The following NME4 variants were observed in gnomAD, a reference collection of about 807,000 sequenced individuals.
The protein encoded by NME4 is nucleoside diphosphate kinase D, mitochondrial.
In NME4, 21 loss-of-function variants were observed where a neutral mutation model predicts 16.4. The ratio of observed to expected loss-of-function variants is 1.28; its 90% CI spans 0.91 to 1.84. The LOEUF (loss-of-function observed/expected upper bound fraction) is 1.84, where lower values mean the gene tolerates loss of function less well. Among genes scored for constraint, NME4 ranks in the 40% most tolerant of loss-of-function variants. The pLI is 0.00. For missense variants in NME4, 316 were observed against 261.3 expected (o/e 1.21, Z -1.44); for synonymous variants, 132 against 107.5 (o/e 1.23, Z -1.41).
chr16:397,768 C>T (rs1182389662), intron 1 of NME4: 1 of 1,164,064 alleles, frequency 8.6e-7, no homozygotes, highest in East Asian at 4.4e-5. Context: ...GGGGCGTTCG[C>T]TGAAGGCCAA....
intron 1 of NME4, chr16:398,051 C>T (rs1232827313): frequency 4.6e-6 from 7 of 1,530,058 alleles, no homozygotes; most frequent in Non-Finnish European, 5.3e-6. Flanking sequence ...ACTTTTCCTC[C>T]TGGCCTGGCG....
rs971156506 is a variant in NME4 at position 400,493 on chromosome 16, C to T, written c.*151C>T. ...CCCCAGCCCAGAGGAGTTTGAGCCA[C>T]CAACTTCAGTGCCTTTCTGTACCCC... On this transcript the variant is annotated 3_prime_UTR_variant, in exon 5 of 5. Transcript: ENST00000219479. The T allele has an allele frequency of 1.2e-5, 11 of 930,662 alleles. No individual in the cohort carries two copies. The East Asian group carries it at 2.2e-4, about 19-fold the overall frequency. The allele number at this position is 930,662 out of a possible 1,614,324, so 57.7% of individuals were successfully genotyped here.
In NME4 at chr16:399,137, G is replaced by A. The variant is rs1389826543; in HGVS notation, c.225+14G>A. ...AAGATGCTGCAGGTAGTGGGACTCTGGGCTTGTGGGTGTCCCTGTGGGGAT... is the reference window on the plus strand; with the variant it reads ...AAGATGCTGCAGGTAGTGGGACTCTAGGCTTGTGGGTGTCCCTGTGGGGAT... On this transcript the variant is annotated intron_variant, in intron 2 of 4. Coordinates refer to ENST00000219479, the MANE Select transcript of NME4 (RefSeq NM_005009.3). The A allele has an allele frequency of 6.3e-7, 1 of 1,595,620 alleles. No homozygotes were observed. The highest frequency in any genetic ancestry group is 2.2e-5 in the East Asian group (1 of 44,756).
At chr16:397,783 G>A (rs1273960126) in intron 1 of NME4, 6 of 1,467,376 alleles carry the variant, frequency 4.1e-6, no homozygotes, top group Non-Finnish European at 4.5e-6. Flanking sequence ...GGCCAAGTTA[G>A]GCCAGAATCT....
In NME4 at chr16:399,648, G is replaced by C. The variant is rs762616312; in HGVS notation, c.349G>C (p.Val117Leu). 2 of 1,613,060 alleles carry C rather than the reference G, an allele frequency of 1.2e-6. No homozygotes were observed. Among genetic ancestry groups the C allele is most frequent in the Non-Finnish European group, 1.7e-6 (2 of 1,179,938 alleles). ...GCAGGTCTGGGAAGGGTACAATGTC[G>C]TCCGCGCCTCGAGGGCCATGATTGG... ...VAMVWEGYNV[V>L]RASRAMIGHT... Residue 117 changes from valine to leucine, a missense_variant, in exon 4 of 5, where the codon GTC (valine) becomes CTC (leucine). Physicochemically the swap from Val to Leu is conservative, Grantham distance 32 (BLOSUM62 1). Coordinates refer to ENST00000219479, the MANE Select transcript of NME4 (RefSeq NM_005009.3).
At position 398,343 on chromosome 16, in the gene NME4, A is replaced by G. The variant is rs892215516; in HGVS notation, c.92-647A>G. On this transcript the variant is annotated intron_variant, in intron 1 of 4. Transcript: ENST00000219479. ...CAGAACCCTGCTACCTTCCCTCTTC[A>G]ATCTTCAGGCCCCTTTTTGTCCGTG... 1.8e-5 allele frequency: 23 copies of G among 1,295,194 alleles called. No individual in the cohort carries two copies. In the East Asian group the frequency reaches 3.7e-4, roughly 21 times the overall value. 80.2% of individuals were successfully genotyped at this position (1,295,194 alleles called of 1,614,324 possible).
intron 1 of NME4, chr16:397,746 A>AGGGAGTCGGGGGGTGGGGGTGGGGGGG (rs2054576374): frequency 1.7e-6 from 1 of 579,276 alleles, no homozygotes; most frequent in Non-Finnish European, 2.0e-6. Flanking sequence ...GGGTGGGGGG[A>AGGGAGTCGGGGGGTGGGGGTGGGGGGG]GCCGCTCCGC....
chr16:398,097 T>C lies in NME4; in HGVS notation c.91+784T>C, dbSNP rs184750863. The stretch of plus-strand genomic sequence containing the variant: ...GGCTCTGTCCAGATTCTGTGGGACA[T>C]ACAGGGTCTGGGCTCCTCTGGAAAC... On this transcript the variant is annotated intron_variant, in intron 1 of 4. Coordinates refer to ENST00000219479, the MANE Select transcript of NME4 (RefSeq NM_005009.3). 14 of 1,531,752 alleles carry C rather than the reference T, an allele frequency of 9.1e-6. No homozygotes were observed. In the Admixed American group the frequency reaches 2.4e-4, roughly 26 times the overall value. 94.9% of individuals were successfully genotyped at this position (1,531,752 alleles called of 1,614,324 possible).
chr16:397,740 G>A, intron 1 of NME4: 1 of 1,245,228 alleles, frequency 8.0e-7, no homozygotes, highest in Non-Finnish European at 1.1e-6. Flanking sequence ...GGGTGGGGGT[G>A]GGGGGAGCCG....
intron 1 of NME4, chr16:398,257 G>A: frequency 7.1e-7 from 1 of 1,401,460 alleles, no homozygotes; most frequent in Non-Finnish European, 9.5e-7. Context: ...GCTGACCCTG[G>A]GTCTGGAAGC....
At chr16:399,764 CT>C in intron 4 of NME4, 25 bp downstream of exon 4, 1 of 1,586,028 alleles carries the variant, frequency 6.3e-7, no homozygotes, top group Non-Finnish European at 8.7e-7. Context: ...ATACACCAGG[CT>C]GCTGCTGGGG....
At chr16:398,059 G>C (rs896449575) in intron 1 of NME4, 1 of 1,529,812 alleles carries the variant, frequency 6.5e-7, no homozygotes, top group African/African-American at 1.4e-5. Flanking sequence ...TCCTGGCCTG[G>C]CGGAGCCCCT....
chr16:397,335 G>T (rs2054563047), intron 1 of NME4, 22 bp downstream of exon 1: 1 of 984,820 alleles, frequency 1.0e-6, no homozygotes, highest in Non-Finnish European at 1.2e-6. Context: ...CGCGCGCCCC[G>T]GCGGGGACGC....
chr16:398,780 C>T (rs1002077697), intron 1 of NME4: 1 of 652,308 alleles, frequency 1.5e-6, no homozygotes, highest in African/African-American at 1.8e-5. Context: ...AGGCTAGAAG[C>T]CCTGGGGACA....
rs77183912 is a variant in NME4, at chr16:398,399, G to T, written c.92-591G>T. On this transcript the variant is annotated intron_variant, in intron 1 of 4. Coordinates refer to ENST00000219479, the MANE Select transcript of NME4 (RefSeq NM_005009.3). ...AGGGCTCACCTGGTGGGGAAAGTGT[G>T]TTTCTCCCTGGTTCCCTGCCACTCA... 4.6e-3 allele frequency: 5,650 copies of T among 1,230,568 alleles called. 216 individuals are homozygous for T. The African/African-American group carries it at 0.076, about 17-fold the overall frequency. The allele number at this position is 1,230,568 out of a possible 1,614,324, so 76.2% of individuals were successfully genotyped here. A position where few individuals can be genotyped will look rare whatever the true frequency, so the allele number is the denominator to read the frequency against.
chr16:398,064 G>A lies in NME4; in HGVS notation c.91+751G>A, dbSNP rs2054585736. On this transcript the variant is annotated intron_variant, in intron 1 of 4. Transcript: ENST00000219479. Reference sequence around the variant, plus strand: ...TAACTTTTCCTCCTGGCCTGGCGGAGCCCCTTTGGCTCTGTCCAGATTCTG... The same window carrying A: ...TAACTTTTCCTCCTGGCCTGGCGGAACCCCTTTGGCTCTGTCCAGATTCTG... 3.3e-6 allele frequency: 5 copies of A among 1,529,082 alleles called. 1 individual carries two copies. In the South Asian group the frequency reaches 6.1e-5, roughly 19 times the overall value. 94.7% of individuals were successfully genotyped at this position (1,529,082 alleles called of 1,614,324 possible). A position where few individuals can be genotyped will look rare whatever the true frequency, so the allele number is the denominator to read the frequency against.
upstream of NME4, chr16:397,015 G>A (rs914603005): frequency 2.0e-5 from 3 of 153,348 alleles, no homozygotes; most frequent in East Asian, 3.8e-4. Context: ...AATTCGAGAA[G>A]GATTCATTAT....
At chr16:400,163 G>C in intron 4 of NME4, 56 bp from the exon 5 acceptor site, 1 of 1,611,904 alleles carries the variant, frequency 6.2e-7, no homozygotes, top group Non-Finnish European at 8.5e-7. Flanking sequence ...TGGTCCCTGG[G>C]ATTCCTCAGG....
At chr16:398,766 G>A (rs2054599869) in intron 1 of NME4, 1 of 621,974 alleles carries the variant, frequency 1.6e-6, no homozygotes, top group Non-Finnish European at 2.8e-6. Flanking sequence ...ATGGCCCCTG[G>A]GAGAGGCTAG....
Sources: allele counts gnomAD v4.1 joint callset, GRCh38; gene constraint gnomAD v4.1.1; transcripts MANE v1.5; gene names NCBI Gene and HGNC (gene_info 2026-07-23, HGNC 2026-07-21).